The following MYH11 variants were observed in gnomAD, a reference collection of about 807,000 sequenced individuals.
MYH11 encodes the protein myosin-11.
Under a neutral mutation model 246.6 loss-of-function variants are expected in MYH11, and 80 were observed. The ratio of observed to expected loss-of-function variants is 0.32; its 90% CI spans 0.27 to 0.39. The LOEUF (loss-of-function observed/expected upper bound fraction) is 0.39. MYH11 is among the 10% of genes least tolerant of loss of function. The probability of loss-of-function intolerance (pLI) is 1.00; values close to 1 mark genes in which losing one functional copy is unlikely to be tolerated. For missense variants in MYH11, 2,158 were observed against 2,546.8 expected (o/e 0.85, Z 3.29); for synonymous variants, 1,071 against 1,015.5 (o/e 1.05, Z -1.04).
intron 20 of MYH11, 144 bp from the exon 21 acceptor site, chr16:15,742,035 T>C (rs2041289814): frequency 7.7e-7 from 1 of 1,305,280 alleles, no homozygotes; most frequent in African/African-American, 1.5e-5. Flanking sequence ...ACACTGCTGA[T>C]TGTCACAGCT....
chr16:15,707,608 T>C (rs1210425372), intron 40 of MYH11, among the ~76,000 whole-genome samples: 2 of 152,142 alleles, frequency 1.3e-5, no homozygotes, highest in Non-Finnish European at 2.9e-5. Flanking sequence ...AAGCTGAGAT[T>C]CTCCAAAAAT....
chr16:15,829,849 G>A (rs2043681695), intron 2 of MYH11, among the ~76,000 whole-genome samples: 1 of 152,106 alleles, frequency 6.6e-6, no homozygotes, highest in South Asian at 2.1e-4. Flanking sequence ...AGACACACAG[G>A]GATGGCCGGG....
chr16:15,820,404 G>C (rs2043377410), intron 3 of MYH11, among the ~76,000 whole-genome samples: 1 of 151,658 alleles, frequency 6.6e-6, no homozygotes, highest in Non-Finnish European at 1.5e-5. Context: ...AACCCAGGAG[G>C]TGGAGGTTGC....
At chr16:15,725,023 G>T in intron 28 of MYH11, 31 bp from the exon 29 acceptor site, 1 of 1,591,740 alleles carries the variant, frequency 6.3e-7, no homozygotes, top group Non-Finnish European at 8.6e-7. Flanking sequence ...GTTAGTCAAA[G>T]CCTCTAGAAG....
chr16:15,835,485 A>C (rs1283569333), intron 2 of MYH11, among the ~76,000 whole-genome samples: 1 of 152,218 alleles, frequency 6.6e-6, no homozygotes, highest in Non-Finnish European at 1.5e-5. Flanking sequence ...ATTAGGAAAA[A>C]AATGTGCAGG....
At chr16:15,719,330 T>C (rs1440373894) in intron 35 of MYH11, 22 bp from the exon 36 acceptor site, 2 of 1,607,162 alleles carry the variant, frequency 1.2e-6, no homozygotes, top group Non-Finnish European at 1.7e-6. Flanking sequence ...GGAGGAAGGC[T>C]GTTGTCTGCC....
At chr16:15,732,448 T>C (rs2040993547) in intron 27 of MYH11, 116 bp downstream of exon 27, 1 of 1,442,272 alleles carries the variant, frequency 6.9e-7, no homozygotes, top group South Asian at 1.1e-5. Flanking sequence ...TCATCATCAT[T>C]AGAATCTTAT....
intron 14 of MYH11, among the ~76,000 whole-genome samples, chr16:15,754,609 A>G (rs1383815017): frequency 6.6e-6 from 1 of 152,218 alleles, no homozygotes; most frequent in Non-Finnish European, 1.5e-5. Flanking sequence ...ACTTTTGGTG[A>G]AGGCCCAGAT....
intron 2 of MYH11, among the ~76,000 whole-genome samples, chr16:15,830,813 G>A (rs1323741581): frequency 6.6e-6 from 1 of 152,148 alleles, no homozygotes; most frequent in Non-Finnish European, 1.5e-5. Flanking sequence ...AGAAGGCATA[G>A]GTTGCAGGAG....
intron 22 of MYH11, 21 bp downstream of exon 22, chr16:15,741,442 G>A (rs1338622808): frequency 6.2e-7 from 1 of 1,605,084 alleles, no homozygotes; most frequent in Admixed American, 1.7e-5. Flanking sequence ...CCCACCACGG[G>A]CTGCCCCTGT....
intron 27 of MYH11, among the ~76,000 whole-genome samples, chr16:15,728,219 A>T (rs1214931234): frequency 6.6e-6 from 1 of 152,010 alleles, no homozygotes; most frequent in African/African-American, 2.4e-5. Flanking sequence ...ACAGAGTGAG[A>T]CTCCATCTCA....
At chr16:15,828,222 A>T (rs1376114362) in intron 2 of MYH11, among the ~76,000 whole-genome samples, 1 of 152,236 alleles carries the variant, frequency 6.6e-6, no homozygotes, top group African/African-American at 2.4e-5. Context: ...CAAGCCCTTC[A>T]TAGATGTGCT....
At chr16:15,725,963 T>G in intron 28 of MYH11, 2 of 330,242 alleles carry the variant, frequency 6.1e-6, no homozygotes, top group Non-Finnish European at 5.4e-6. Flanking sequence ...TATCTCCCCC[T>G]ACCCCCAACC....
At chr16:15,765,409 G>A (rs991662655) in intron 9 of MYH11, among the ~76,000 whole-genome samples, 8 of 151,872 alleles carry the variant, frequency 5.3e-5, no homozygotes, top group Non-Finnish European at 1.0e-4. Flanking sequence ...GAGAATTGAT[G>A]GAGGAATGGA....
intron 3 of MYH11, among the ~76,000 whole-genome samples, chr16:15,812,596 G>A (rs1335280946): frequency 7.3e-6 from 1 of 137,840 alleles, no homozygotes; most frequent in Non-Finnish European, 1.5e-5. Context: ...TTTTCACTAG[G>A]CACAGTGGGC....
At chr16:15,721,297 T>A (rs1478799497) in intron 32 of MYH11, 125 bp downstream of exon 32, 9 of 1,188,574 alleles carry the variant, frequency 7.6e-6, no homozygotes, top group South Asian at 2.6e-5. Context: ...TCCAAAAACC[T>A]CCTTCCATTT....
At chr16:15,707,242 G>A (rs1045959851) in intron 40 of MYH11, among the ~76,000 whole-genome samples, 1 of 152,124 alleles carries the variant, frequency 6.6e-6, no homozygotes, top group African/African-American at 2.4e-5. Context: ...TTACCATGTT[G>A]GCCAGGCTGG....
At chr16:15,804,165 A>T (rs2042954867) in intron 3 of MYH11, among the ~76,000 whole-genome samples, 1 of 151,994 alleles carries the variant, frequency 6.6e-6, no homozygotes, top group Non-Finnish European at 1.5e-5. Context: ...GGCCTAATCC[A>T]TTCTCTCTCT....
intron 2 of MYH11, among the ~76,000 whole-genome samples, chr16:15,827,171 C>T (rs775648436): frequency 2.6e-5 from 4 of 152,080 alleles, no homozygotes; most frequent in Non-Finnish European, 4.4e-5. Context: ...ATAAAGAAAT[C>T]AATGATAGCT....
Sources: gnomAD v4.1 joint callset for allele counts (sites outside exome capture counted in the v4.1 genomes callset) on GRCh38, gnomAD v4.1.1 for gene constraint, MANE v1.5 for transcripts, NCBI Gene and HGNC (gene_info 2026-07-23, HGNC 2026-07-21) for gene names.